NUP210: variants seen among roughly 807,000 people sequenced by gnomAD.
NUP210 encodes the protein nucleoporin 210.
NUP210 carries 151 observed loss-of-function variants against 196.0 expected under a neutral mutation model. The observed-to-expected ratio is 0.77, with a 90% confidence interval of 0.67 to 0.88. The LOEUF (loss-of-function observed/expected upper bound fraction) is 0.88. Among genes scored for constraint, NUP210 ranks in the 40% least tolerant of loss-of-function variants. NUP210 has a pLI of 0.00. For missense variants in NUP210, 2,314 were observed against 2,493.7 expected (o/e 0.93, Z 1.53); for synonymous variants, 1,070 against 1,052.7 (o/e 1.02, Z -0.32).
intron 3 of NUP210, among the ~76,000 whole-genome samples, chr3:13,396,567 G>C (rs567252560): frequency 2.2e-4 from 32 of 148,638 alleles, no homozygotes; most frequent in African/African-American, 7.8e-4. Flanking sequence ...GGCCAACTTG[G>C]TGAAAACCCG....
rs1446148474 is a variant in NUP210 at position 13,327,422 on chromosome 3, C to T, written c.4302G>A (p.Gln1434=). 1.2e-6 allele frequency: 2 copies of T among 1,611,810 alleles called. No individual in the cohort carries two copies. Among genetic ancestry groups the T allele is most frequent in the Admixed American group, 3.3e-5 (2 of 59,856 alleles). Reference sequence around the variant, plus strand: ...TGTTGTTGGTGGGGCCCTTCCCGATCTGCACAAAGTCGTCTCTAGGCACAG... The same window carrying T: ...TGTTGTTGGTGGGGCCCTTCCCGATTTGCACAAAGTCGTCTCTAGGCACAG... ...NFATNRDDFV[Q]IGKGPTNNTC... Residue 1434 remains glutamine (Q), a synonymous_variant, in exon 32 of 40, where the codon CAG becomes CAA. Coordinates refer to ENST00000254508, the MANE Select transcript of NUP210 (RefSeq NM_024923.4).
At position 13,358,291 on chromosome 3, in the gene NUP210, G is replaced by A; in HGVS notation, c.2259C>T (p.Thr753=). ...KFVCAPPSRL[T]LAPVYTSPQL... ...GGGGGCTGGTGTAGACAGGCGCGAG[G>A]GTGAGCCTGGACGGTGGGGCGCAGA... The change falls in exon 16 of 40, where the codon ACC becomes ACT. Residue 753 remains threonine, a synonymous_variant. Coordinates refer to ENST00000254508, the MANE Select transcript of NUP210 (RefSeq NM_024923.4). 1.2e-6 allele frequency: 2 copies of A among 1,613,782 alleles called. No homozygotes were observed. The highest frequency in any genetic ancestry group is 1.7e-6 in the Non-Finnish European group (2 of 1,179,838).
rs749384332 is a variant in NUP210 at position 13,391,204 on chromosome 3, C to T, written c.533+7G>A. On this transcript the variant is annotated splice_region_variant and intron_variant, in intron 4 of 39. Transcript: ENST00000254508. ...AAGGGGCCAGGCCTAGCAGAGGCAC[C>T]CCTTACCGCAGCGCATTGTGGGAGT... 1.9e-6 allele frequency: 3 copies of T among 1,606,844 alleles called. No homozygotes were observed. The South Asian group carries it at 3.3e-5, about 18-fold the overall frequency.
chr3:13,322,447 C>G, intron 34 of NUP210, 108 bp from the exon 35 acceptor site: 1 of 1,250,512 alleles, frequency 8.0e-7, no homozygotes, highest in Non-Finnish European at 1.1e-6. Flanking sequence ...CCTGCCCCTG[C>G]ATGTCTTCCA....
In NUP210 at chr3:13,420,065, G is replaced by T. The variant is rs375150687; in HGVS notation, c.162C>A (p.Tyr54Ter). ...GGCCCGGCCGCGCGCCTCACCAGCGGTAGCAGCCCTCCGAGGCCTCCAGCG... is the reference window on the plus strand; with the variant it reads ...GGCCCGGCCGCGCGCCTCACCAGCGTTAGCAGCCCTCCGAGGCCTCCAGCG... ...NFTLEASEGC[Y>*]RWLSTRPEVA... The change falls in exon 1 of 40, where the codon TAC (tyrosine) becomes TAA (stop). Residue 54 changes from tyrosine to a stop codon, truncating the protein, a stop_gained. Transcript: ENST00000254508. LOFTEE classifies it high-confidence loss of function. The surrounding 1 kb of genome is among the most constrained non-coding windows in gnomAD (Gnocchi z 4.8). 2.7e-5 allele frequency: 36 copies of T among 1,337,422 alleles called. No homozygotes were observed. The highest frequency in any genetic ancestry group is 3.5e-5 in the Non-Finnish European group (36 of 1,024,084). The allele number at this position is 1,337,422 out of a possible 1,614,324, so 82.8% of individuals were successfully genotyped here.
chr3:13,319,192 C>A (rs1276295350), intron 38 of NUP210, 37 bp from the exon 39 acceptor site: 2 of 1,611,532 alleles, frequency 1.2e-6, no homozygotes, highest in South Asian at 1.1e-5. Flanking sequence ...CAGGTCGGGG[C>A]AGGGGAACAG....
At chr3:13,386,246 C>G (rs1559339932) in intron 6 of NUP210, 29 bp downstream of exon 6, 2 of 1,588,362 alleles carry the variant, frequency 1.3e-6, no homozygotes, top group Non-Finnish European at 1.7e-6. Context: ...AAGGAAGCAT[C>G]TGTCATGATG....
At chr3:13,380,506 A>G (rs2124923112) in intron 6 of NUP210, among the ~76,000 whole-genome samples, 1 of 152,338 alleles carries the variant, frequency 6.6e-6, no homozygotes, top group South Asian at 2.1e-4. Flanking sequence ...CCTGCTCACC[A>G]TTGCGCAGCT....
intron 13 of NUP210, 99 bp downstream of exon 13, chr3:13,371,735 T>G: frequency 8.9e-7 from 1 of 1,124,724 alleles, no homozygotes; most frequent in South Asian, 1.5e-5. Context: ...CTCTGCTGCC[T>G]CAAGCCCTCT....
chr3:13,331,452 G>A (rs1696992157), intron 29 of NUP210, among the ~76,000 whole-genome samples: 1 of 152,058 alleles, frequency 6.6e-6, no homozygotes, highest in Admixed American at 6.6e-5. Flanking sequence ...TTAACCTGGG[G>A]AACTCTTATT....
intron 20 of NUP210, among the ~76,000 whole-genome samples, chr3:13,349,764 A>G (rs1697902532): frequency 6.6e-6 from 1 of 152,112 alleles, no homozygotes; most frequent in Non-Finnish European, 1.5e-5. Context: ...GCCTAAGCAC[A>G]CTCTCCAAAA....
At chr3:13,339,768 G>A (rs1217078013) in intron 25 of NUP210, 86 bp downstream of exon 25, 5 of 1,232,132 alleles carry the variant, frequency 4.1e-6, no homozygotes, top group Non-Finnish European at 5.9e-6. Flanking sequence ...TTGGAGAGGG[G>A]TGGTCCTCAG....
rs1162470689 is a variant in NUP210, at chr3:13,401,258, T to TTAAAAAAAAAAAAAAA, written c.168-1398_168-1397insTTTTTTTTTTTTTTTA. 2.1e-3 allele frequency among the ~76,000 whole-genome samples: 34 copies of TTAAAAAAAAAAAAAAA among 16,498 alleles called. 2 individuals are homozygous for TTAAAAAAAAAAAAAAA. The highest frequency in any genetic ancestry group is 2.6e-3 in the Admixed American group (6 of 2,292). The allele number at this position is 16,498 out of a possible 152,430, so 10.8% of individuals were successfully genotyped here. A position where few individuals can be genotyped will look rare whatever the true frequency, so the allele number is the denominator to read the frequency against. ...CTGGGCAACAGAGTGAGACTCTGGC[T>TTAAAAAAAAAAAAAAA]CAAAAAAAAAAAAAAAAAAAAAGGC... On this transcript the variant is annotated intron_variant, in intron 1 of 39. Coordinates refer to ENST00000254508, the MANE Select transcript of NUP210 (RefSeq NM_024923.4).
In NUP210 at chr3:13,347,352, G is replaced by T. The variant is rs915047987; in HGVS notation, c.2836-4049C>A. 6 of 984,638 alleles carry T rather than the reference G, an allele frequency of 6.1e-6. No individual in the cohort carries two copies. Among genetic ancestry groups the T allele is most frequent in the Admixed American group, 6.1e-5 (1 of 16,268 alleles). The allele number at this position is 984,638 out of a possible 1,614,324, so 61.0% of individuals were successfully genotyped here. ...CCTTCCCCTGCTCTGGTCATCTCAT[G>T]GGTTCCGCCTAGAGGACTTGATTGA... On this transcript the variant is annotated intron_variant, in intron 20 of 39. Coordinates refer to ENST00000254508, the MANE Select transcript of NUP210 (RefSeq NM_024923.4). The surrounding 1 kb of genome is among the most constrained non-coding windows in gnomAD (Gnocchi z 4.7).
chr3:13,367,205 G>A (rs1311704303), intron 13 of NUP210, among the ~76,000 whole-genome samples: 1 of 152,094 alleles, frequency 6.6e-6, no homozygotes, highest in African/African-American at 2.4e-5. Flanking sequence ...GGGAGGCTGA[G>A]GTGGGAGGAT....
chr3:13,332,978 C>T (rs966417077), intron 28 of NUP210, among the ~76,000 whole-genome samples: 5 of 152,236 alleles, frequency 3.3e-5, no homozygotes, highest in East Asian at 3.8e-4. Context: ...GCTCCCTTCT[C>T]TCACAGAGAC....
intron 3 of NUP210, among the ~76,000 whole-genome samples, chr3:13,396,947 C>T (rs1463893799): frequency 6.6e-6 from 1 of 152,112 alleles, no homozygotes; most frequent in Non-Finnish European, 1.5e-5. Context: ...AGGAAGCCAC[C>T]ACTGGCCCTA....
At chr3:13,365,852 G>A (rs770109748) in intron 14 of NUP210, 94 bp downstream of exon 14, 37 of 1,337,452 alleles carry the variant, frequency 2.8e-5, no homozygotes, top group Middle Eastern at 3.8e-4. Context: ...TGAAGGAATC[G>A]GGTTTATCAT....
At chr3:13,388,792 G>A (rs983726338) in intron 4 of NUP210, among the ~76,000 whole-genome samples, 9 of 152,268 alleles carry the variant, frequency 5.9e-5, no homozygotes, top group African/African-American at 1.4e-4. Flanking sequence ...TGAGGCCCGG[G>A]AGATGAGGCA....
Sources: gnomAD v4.1 joint callset for allele counts (sites outside exome capture counted in the v4.1 genomes callset) on GRCh38, gnomAD v4.1.1 for gene constraint, Gnocchi (gnomAD v3.1) non-coding constraint, MANE v1.5 for transcripts, NCBI Gene and HGNC (gene_info 2026-07-23, HGNC 2026-07-21) for gene names.